Variants in PIGL observed in about 807,000 individuals in gnomAD.
PIGL encodes phosphatidylinositol glycan anchor biosynthesis class L, also known as N-acetylglucosaminyl-phosphatidylinositol de-N-acetylase.
Under a neutral mutation model 31.1 loss-of-function variants are expected in PIGL, and 22 were observed. That is an observed-to-expected ratio of 0.71 (90% CI 0.51 to 1.01). PIGL has a LOEUF of 1.01. Ranked by LOEUF, PIGL falls within the 50% of genes least tolerant of loss-of-function variation. The probability of loss-of-function intolerance (pLI) is 0.00; values close to 1 mark genes in which losing one functional copy is unlikely to be tolerated. For synonymous variants in PIGL, 131 were observed against 117.4 expected (o/e 1.12, Z -0.75); for missense variants, 302 against 315.9 (o/e 0.96, Z 0.33).
intron 1 of PIGL, among the ~76,000 whole-genome samples, chr17:16,220,932 CTGTT>C (rs2092625940): frequency 6.6e-6 from 1 of 152,268 alleles, no homozygotes; most frequent in South Asian, 2.1e-4. Flanking sequence ...TGAGCATGGC[CTGTT>C]TGTTTATTTT....
chr17:16,290,617 C>A (rs988672195), intron 2 of PIGL, among the ~76,000 whole-genome samples: 1 of 152,022 alleles, frequency 6.6e-6, no homozygotes, highest in Non-Finnish European at 1.5e-5. Context: ...AGCCCTGGCC[C>A]AAGCAATTCT....
At chr17:16,323,083 A>G (rs917643934) in intron 6 of PIGL, among the ~76,000 whole-genome samples, 19 of 152,188 alleles carry the variant, frequency 1.2e-4, no homozygotes, top group Non-Finnish European at 2.8e-4. Flanking sequence ...ATATTGACTG[A>G]TTGATGAAAA....
intron 6 of PIGL, among the ~76,000 whole-genome samples, chr17:16,320,494 G>A (rs2093100478): frequency 7.7e-6 from 1 of 130,694 alleles, no homozygotes; most frequent in Admixed American, 7.9e-5. Flanking sequence ...AGGGAGGGAG[G>A]GAAAGCGGGA....
chr17:16,326,002 C>A lies in PIGL; in HGVS notation c.*104C>A. 1.2e-6 allele frequency: 1 copy of A among 810,432 alleles called. No homozygotes were observed. The highest frequency in any genetic ancestry group is 2.1e-6 in the Non-Finnish European group (1 of 487,274). The allele number at this position is 810,432 out of a possible 1,614,324, so 50.2% of individuals were successfully genotyped here. On this transcript the variant is annotated 3_prime_UTR_variant, in exon 7 of 7. Transcript: ENST00000225609. Reference sequence around the variant, plus strand: ...CTTATTTACCTGAGCTCAAGGAGATCCCCGCTGGAGCAGCCTCTGCAAAAG... The same window carrying A: ...CTTATTTACCTGAGCTCAAGGAGATACCCGCTGGAGCAGCCTCTGCAAAAG...
At chr17:16,305,715 G>C (rs949761845) in intron 3 of PIGL, among the ~76,000 whole-genome samples, 1 of 152,168 alleles carries the variant, frequency 6.6e-6, no homozygotes, top group African/African-American at 2.4e-5. Context: ...TCCAGCCAGA[G>C]TGCTAGCCAG....
At chr17:16,253,880 C>T (rs1284192710) in intron 2 of PIGL, among the ~76,000 whole-genome samples, 1 of 152,020 alleles carries the variant, frequency 6.6e-6, no homozygotes, top group East Asian at 1.9e-4. Flanking sequence ...GAGTTCAAGG[C>T]TGCAATTAGT....
Position 16,254,096 on chromosome 17 carries a change from C to T in PIGL, c.335+20026C>T, listed in dbSNP as rs78213039. ...TAGTCCCTCCTCTAACACACTTCCA[C>T]ATTTTCCAACGCCCTTCATCTTGTC... On this transcript the variant is annotated intron_variant, in intron 2 of 6. Coordinates refer to ENST00000225609, the MANE Select transcript of PIGL (RefSeq NM_004278.4). Among the ~76,000 whole-genome samples, 958 of 152,250 alleles carry T rather than the reference C, an allele frequency of 6.3e-3. 18 individuals carry two copies. The highest frequency in any genetic ancestry group is 0.021 in the African/African-American group (890 of 41,538).
At chr17:16,311,581 G>C (rs963920267) in intron 3 of PIGL, among the ~76,000 whole-genome samples, 32 of 145,324 alleles carry the variant, frequency 2.2e-4, no homozygotes, top group African/African-American at 7.4e-4. Context: ...AAGGTCTCTG[G>C]TTTTCCTAGG....
intron 2 of PIGL, among the ~76,000 whole-genome samples, chr17:16,264,599 C>CATTATT (rs67790275): frequency 6.9e-4 from 100 of 144,020 alleles, no homozygotes; most frequent in African/African-American, 1.7e-3. Context: ...AACACATCGT[C>CATTATT]ATTATTATTA....
intron 2 of PIGL, among the ~76,000 whole-genome samples, chr17:16,287,747 CTGAACATGCCCAAAAAAACTCT>C (rs2092944143): frequency 6.6e-6 from 1 of 152,168 alleles, no homozygotes; most frequent in Admixed American, 6.5e-5. Flanking sequence ...TGCTCTTACT[CTGAACATGCCCAAAAAAACTCT>C]TGTGTTATCT....
chr17:16,274,485 G>C (rs2092885305), intron 2 of PIGL, among the ~76,000 whole-genome samples: 1 of 152,164 alleles, frequency 6.6e-6, no homozygotes, highest in Non-Finnish European at 1.5e-5. Context: ...CACTTTGGGA[G>C]GCCGAGGCGG....
intron 2 of PIGL, among the ~76,000 whole-genome samples, chr17:16,291,863 T>G (rs1487301954): frequency 7.0e-6 from 1 of 142,162 alleles, no homozygotes; most frequent in Non-Finnish European, 1.5e-5. Flanking sequence ...AGACTCAATC[T>G]CAAAAAAAAA....
At chr17:16,234,551 G>A (rs2092691920) in intron 2 of PIGL, among the ~76,000 whole-genome samples, 1 of 152,168 alleles carries the variant, frequency 6.6e-6, no homozygotes, top group Admixed American at 6.5e-5. Flanking sequence ...ATCACCTCAG[G>A]TCAGGAGTTC....
rs148435303 is a variant in PIGL at position 16,297,923 on chromosome 17, G to C, written c.336-1965G>C. The stretch of plus-strand genomic sequence containing the variant: ...GGCAGCACAGCAGGAGGTGAGTGAC[G>C]GGCAAGCAAGCATTACTGCCTGAGC... On this transcript the variant is annotated intron_variant, in intron 2 of 6. Transcript: ENST00000225609. 8.1e-3 allele frequency among the ~76,000 whole-genome samples: 1,238 copies of C among 152,258 alleles called. 21 individuals carry two copies. The highest frequency in any genetic ancestry group is 0.028 in the African/African-American group (1,183 of 41,540).
chr17:16,238,602 A>AT (rs2092709485), intron 2 of PIGL, among the ~76,000 whole-genome samples: 1 of 149,728 alleles, frequency 6.7e-6, no homozygotes, highest in African/African-American at 2.4e-5. Context: ...TGCCCAGCTA[A>AT]TTTTTGTATT....
At chr17:16,242,376 A>G (rs1226877648) in intron 2 of PIGL, among the ~76,000 whole-genome samples, 1 of 152,058 alleles carries the variant, frequency 6.6e-6, no homozygotes, top group Non-Finnish European at 1.5e-5. Flanking sequence ...AGTTTTCTTC[A>G]TCTAGGTACT....
rs78864405 is a variant in PIGL at position 16,244,662 on chromosome 17, G to A, written c.335+10592G>A. On this transcript the variant is annotated intron_variant, in intron 2 of 6. Transcript: ENST00000225609. Reference sequence around the variant, plus strand: ...ACCTCCTAAGTTGAAGGTATAAAGCGGGGAGTTTTTGGTTTTTGTTTTTTG... The same window carrying A: ...ACCTCCTAAGTTGAAGGTATAAAGCAGGGAGTTTTTGGTTTTTGTTTTTTG... Among the ~76,000 whole-genome samples, 963 of 152,132 alleles carry A rather than the reference G, an allele frequency of 6.3e-3. 17 individuals are homozygous for A. Among genetic ancestry groups the A allele is most frequent in the African/African-American group, 0.022 (894 of 41,514 alleles).
intron 2 of PIGL, among the ~76,000 whole-genome samples, chr17:16,280,299 T>C (rs1435635915): frequency 6.6e-6 from 1 of 152,066 alleles, no homozygotes; most frequent in African/African-American, 2.4e-5. Context: ...AGAAAGAGGG[T>C]TGATGGAAAT....
chr17:16,234,584 G>A (rs528235939), intron 2 of PIGL, among the ~76,000 whole-genome samples: 1 of 152,150 alleles, frequency 6.6e-6, no homozygotes, highest in African/African-American at 2.4e-5. Context: ...GCCAAACATG[G>A]TAAAACCCCG....
Sources: allele counts gnomAD v4.1 joint callset (sites outside exome capture counted in the v4.1 genomes callset), GRCh38; gene constraint gnomAD v4.1.1; transcripts MANE v1.5; gene names NCBI Gene and HGNC (gene_info 2026-07-23, HGNC 2026-07-21).